CHD6: variants seen among roughly 807,000 people sequenced by gnomAD.
The protein encoded by CHD6 is chromodomain helicase DNA binding protein 6.
In CHD6, 50 loss-of-function variants were observed where a neutral mutation model predicts 276.9. The observed-to-expected ratio is 0.18, with a 90% CI of 0.14 to 0.23. The LOEUF is 0.23. CHD6 is among the 10% of genes least tolerant of loss of function. The probability of loss-of-function intolerance (pLI) is 1.00; values close to 1 mark genes in which losing one functional copy is unlikely to be tolerated. For synonymous variants in CHD6, 1,173 were observed against 1,229.3 expected (o/e 0.95, Z 0.96); for missense variants, 2,564 against 3,365.8 (o/e 0.76, Z 5.89).
chr20:41,551,412 C>T (rs2045144295), intron 1 of CHD6, 52 bp from the exon 2 acceptor site: 2 of 772,492 alleles, frequency 2.6e-6, no homozygotes, highest in Non-Finnish European at 4.3e-6. Context: ...CAAAATAAAA[C>T]ATTTTCAACA....
intron 3 of CHD6, among the ~76,000 whole-genome samples, chr20:41,528,663 AT>A (rs2044605184): frequency 1.3e-5 from 2 of 152,186 alleles, no homozygotes; most frequent in Non-Finnish European, 2.9e-5. Context: ...TCTAAAAAAA[AT>A]AATAATAATA....
chr20:41,404,717 C>T lies in CHD6; in HGVS notation c.8024G>A (p.Cys2675Tyr), dbSNP rs1482420401. 1.3e-6 allele frequency: 2 copies of T among 1,599,618 alleles called. No homozygotes were observed. Among genetic ancestry groups the T allele is most frequent in the South Asian group, 1.1e-5 (1 of 88,992 alleles). The change falls in exon 37 of 37, where the codon TGT (cysteine) becomes TAT (tyrosine). Residue 2675 changes from cysteine to tyrosine, a missense_variant. Cys to Tyr is a radical substitution (Grantham distance 194). This residue lies in a region of CHD6 where 238 missense variants were observed against 266.0 expected (regional missense o/e 0.89). Transcript: ENST00000373233. ...PNSHPEPAPS[C>Y]EREPSGDENC... The stretch of plus-strand genomic sequence containing the variant: ...CTCATCACCGCTGGGCTCCCTTTCA[C>T]AGCTGGGAGCAGGCTCTGGGTGGGA...
At chr20:41,597,589 T>C (rs1312879375) in intron 1 of CHD6, among the ~76,000 whole-genome samples, 1 of 152,020 alleles carries the variant, frequency 6.6e-6, no homozygotes, top group African/African-American at 2.4e-5. Flanking sequence ...GAAACAGCAG[T>C]CTGAACCACT....
chr20:41,563,308 G>GA (rs2045322060), intron 1 of CHD6, among the ~76,000 whole-genome samples: 1 of 152,192 alleles, frequency 6.6e-6, no homozygotes, highest in African/African-American at 2.4e-5. Flanking sequence ...TTTACTCACT[G>GA]AATGACTCTC....
At chr20:41,584,478 C>G (rs1356633654) in intron 1 of CHD6, among the ~76,000 whole-genome samples, 1 of 152,074 alleles carries the variant, frequency 6.6e-6, no homozygotes, top group Non-Finnish European at 1.5e-5. Context: ...CCAACTTTAC[C>G]TAATTAACAT....
At chr20:41,476,274 A>G (rs2043165984) in intron 16 of CHD6, among the ~76,000 whole-genome samples, 1 of 152,138 alleles carries the variant, frequency 6.6e-6, no homozygotes, top group Admixed American at 6.6e-5. Flanking sequence ...GATCCCTAGG[A>G]GTTGATATGG....
At chr20:41,495,717 C>T (rs73611287) in intron 8 of CHD6, among the ~76,000 whole-genome samples, 3,285 of 152,298 alleles carry the variant, frequency 0.022, 45 homozygotes, top group South Asian at 0.04. Flanking sequence ...TGTAAACATA[C>T]GTTAAAACAT....
intron 1 of CHD6, among the ~76,000 whole-genome samples, chr20:41,605,542 TA>T (rs2045818623): frequency 6.6e-6 from 1 of 152,216 alleles, no homozygotes; most frequent in African/African-American, 2.4e-5. Context: ...ATTTTTAACA[TA>T]AACCTTCCAT....
chr20:41,423,041 TCTCTA>T (rs1291541766), intron 30 of CHD6, among the ~76,000 whole-genome samples: 1 of 152,202 alleles, frequency 6.6e-6, no homozygotes, highest in Non-Finnish European at 1.5e-5. Context: ...TCAAAAGGGT[TCTCTA>T]TTGCATCAGG....
At chr20:41,547,898 T>G in intron 2 of CHD6, 1 of 312,802 alleles carries the variant, frequency 3.2e-6, no homozygotes, top group South Asian at 3.3e-5. Context: ...GCATCAACAG[T>G]GTTGTGGTGG....
At chr20:41,417,945 C>G (rs1478228316) in intron 31 of CHD6, among the ~76,000 whole-genome samples, 1 of 152,242 alleles carries the variant, frequency 6.6e-6, no homozygotes, top group Non-Finnish European at 1.5e-5. Context: ...ATCAATGTGT[C>G]AACGTGAATG....
At chr20:41,419,986 TGAAAG>T (rs921562922) in intron 31 of CHD6, among the ~76,000 whole-genome samples, 2 of 152,246 alleles carry the variant, frequency 1.3e-5, no homozygotes, top group African/African-American at 2.4e-5. Context: ...GTTGAGTTAC[TGAAAG>T]GAATCTAAAT....
chr20:41,565,792 T>C (rs1259886161), intron 1 of CHD6, among the ~76,000 whole-genome samples: 2 of 151,828 alleles, frequency 1.3e-5, no homozygotes, highest in Non-Finnish European at 2.9e-5. Context: ...TGGGCAGAGG[T>C]TGGAAAGGTA....
chr20:41,434,279 T>C (rs1222438344), intron 27 of CHD6, among the ~76,000 whole-genome samples: 1 of 152,208 alleles, frequency 6.6e-6, no homozygotes, highest in Non-Finnish European at 1.5e-5. Flanking sequence ...ATTTATCAGA[T>C]AAAGTACCCT....
chr20:41,488,647 A>T, intron 12 of CHD6, 43 bp from the exon 13 acceptor site: 2 of 1,568,726 alleles, frequency 1.3e-6, no homozygotes, highest in South Asian at 2.4e-5. Context: ...CACCATGGCT[A>T]TAGAATTCTG....
intron 1 of CHD6, among the ~76,000 whole-genome samples, chr20:41,617,826 C>T (rs1394931574): frequency 6.6e-6 from 1 of 151,824 alleles, no homozygotes; most frequent in Non-Finnish European, 1.5e-5. Context: ...CCTCCTCCAC[C>T]CCTGCAAACA....
At chr20:41,523,215 T>C (rs1051443894) in intron 3 of CHD6, among the ~76,000 whole-genome samples, 1 of 152,146 alleles carries the variant, frequency 6.6e-6, no homozygotes, top group African/African-American at 2.4e-5. Context: ...TTTGATTGGG[T>C]TTATGTTACT....
At chr20:41,493,456 A>T (rs139135054) in intron 10 of CHD6, 82 bp downstream of exon 10, 3 of 1,383,602 alleles carry the variant, frequency 2.2e-6, no homozygotes, top group Middle Eastern at 2.4e-4. Flanking sequence ...ACCTAGGAAC[A>T]AGCCAGGTGG....
At chr20:41,439,497 G>A (rs1318499577) in intron 26 of CHD6, among the ~76,000 whole-genome samples, 1 of 151,936 alleles carries the variant, frequency 6.6e-6, no homozygotes, top group Non-Finnish European at 1.5e-5. Flanking sequence ...CTACTTTTTT[G>A]CACACAGTCC....
Sources: gnomAD v4.1 joint callset for allele counts (sites outside exome capture counted in the v4.1 genomes callset) on GRCh38, gnomAD v4.1.1 for gene constraint, gnomAD v4.1.1 regional missense constraint, MANE v1.5 for transcripts, NCBI Gene and HGNC (gene_info 2026-07-23, HGNC 2026-07-21) for gene names.